Variants in CACNA1A observed in about 807,000 individuals in gnomAD.
The protein encoded by CACNA1A is voltage-dependent P/Q-type calcium channel subunit alpha-1A.
In CACNA1A, 57 loss-of-function variants were observed where a neutral mutation model predicts 262.4. The observed-to-expected ratio is 0.22, with a 90% CI of 0.18 to 0.27. CACNA1A has a LOEUF of 0.27. CACNA1A is among the 10% of genes least tolerant of loss of function. The pLI is 1.00. For synonymous variants in CACNA1A, 1,431 were observed against 1,419.3 expected (o/e 1.01, Z -0.18); for missense variants, 2,526 against 3,562.8 (o/e 0.71, Z 7.41).
chr19:13,391,501 T>G (rs538524088), intron 3 of CACNA1A, among the ~76,000 whole-genome samples: 31 of 152,062 alleles, frequency 2.0e-4, no homozygotes, highest in Non-Finnish European at 3.5e-4. Flanking sequence ...TTTTCTTAAA[T>G]AAAGAGGAGT....
chr19:13,318,126 A>AGT, intron 10 of CACNA1A, among the ~76,000 whole-genome samples: 1 of 111,150 alleles, frequency 9.0e-6, no homozygotes, highest in South Asian at 4.2e-4. Context: ...TTTAAATAAC[A>AGT]ATTTTTTTTT....
chr19:13,466,623 G>A (rs1055963128), intron 1 of CACNA1A, among the ~76,000 whole-genome samples: 7 of 151,984 alleles, frequency 4.6e-5, no homozygotes, highest in Admixed American at 4.6e-4. Context: ...TTACAGGCGT[G>A]AGCCACCATG....
chr19:13,321,983 C>T (rs191172208), intron 10 of CACNA1A, among the ~76,000 whole-genome samples: 12 of 152,136 alleles, frequency 7.9e-5, no homozygotes, highest in Admixed American at 6.5e-4. Context: ...ATGGGCAGAT[C>T]GTAAGGTCAG....
Position 13,380,663 on chromosome 19 carries a change from A to T in CACNA1A, c.540-8884T>A, listed in dbSNP as rs999398205. Among the ~76,000 whole-genome samples the T allele has an allele frequency of 5.3e-5, 8 of 151,158 alleles. 1 individual carries two copies. Among genetic ancestry groups the T allele is most frequent in the African/African-American group, 1.9e-4 (8 of 41,390 alleles). On this transcript the variant is annotated intron_variant, in intron 3 of 46. Coordinates refer to ENST00000360228, the MANE Select transcript of CACNA1A (RefSeq NM_001127222.2). ...TCTGTCTCAAAAAAAAAAAAAAAAA[A>T]AAAAAAAATTAAAATTTGCTAGTAG...
intron 3 of CACNA1A, among the ~76,000 whole-genome samples, chr19:13,388,659 T>C (rs570388955): frequency 2.0e-5 from 3 of 152,330 alleles, no homozygotes; most frequent in African/African-American, 4.8e-5. Context: ...GTATGACGCC[T>C]GTCTCTTGTT....
At chr19:13,220,432 GC>G (rs2055179674) in intron 38 of CACNA1A, among the ~76,000 whole-genome samples, 1 of 152,134 alleles carries the variant, frequency 6.6e-6, no homozygotes, top group African/African-American at 2.4e-5. Flanking sequence ...ACTTCCAGGA[GC>G]AAAAAGCTAA....
chr19:13,386,765 C>T (rs572436308), intron 3 of CACNA1A, among the ~76,000 whole-genome samples: 13 of 151,972 alleles, frequency 8.6e-5, no homozygotes, highest in Admixed American at 6.6e-5. Flanking sequence ...TGCACTCCAG[C>T]CTGGGCGACA....
chr19:13,372,536 G>C (rs974568347), intron 3 of CACNA1A, among the ~76,000 whole-genome samples: 6 of 152,146 alleles, frequency 3.9e-5, no homozygotes, highest in African/African-American at 7.2e-5. Flanking sequence ...GCCTGCATGG[G>C]TTCAGATCCC....
At chr19:13,250,888 T>C (rs749254711) in intron 30 of CACNA1A, among the ~76,000 whole-genome samples, 12 of 152,174 alleles carry the variant, frequency 7.9e-5, no homozygotes, top group African/African-American at 2.2e-4. Context: ...TCCCAGCATT[T>C]TGGGAGGCTG....
intron 3 of CACNA1A, among the ~76,000 whole-genome samples, chr19:13,433,926 T>C (rs1360382796): frequency 1.3e-5 from 2 of 152,132 alleles, no homozygotes; most frequent in Admixed American, 6.6e-5. Flanking sequence ...CTCTACTCCA[T>C]GTATTGAGTG....
intron 9 of CACNA1A, among the ~76,000 whole-genome samples, chr19:13,332,325 G>A (rs1006506038): frequency 6.6e-6 from 1 of 151,998 alleles, no homozygotes; most frequent in African/African-American, 2.4e-5. Flanking sequence ...GCTTGAACCT[G>A]GGAGCCAGAG....
Position 13,210,762 on chromosome 19 carries a change from G to C in CACNA1A, c.6304-110C>G, listed in dbSNP as rs541759095. 58 of 1,102,054 alleles carry C rather than the reference G, an allele frequency of 5.3e-5. No homozygotes were observed. In the South Asian group the frequency reaches 7.8e-4, roughly 15 times the overall value. 68.3% of individuals were successfully genotyped at this position (1,102,054 alleles called of 1,614,324 possible). On this transcript the variant is annotated intron_variant, in intron 43 of 46. Coordinates refer to ENST00000360228, the MANE Select transcript of CACNA1A (RefSeq NM_001127222.2). Reference sequence around the variant, plus strand: ...TGGTGCATGGAGAAGAAGCCAAGGAGGGGAGTGGCACTGGCATCAAGAGAA... The same window carrying C: ...TGGTGCATGGAGAAGAAGCCAAGGACGGGAGTGGCACTGGCATCAAGAGAA...
intron 3 of CACNA1A, among the ~76,000 whole-genome samples, chr19:13,436,781 T>C (rs2060620302): frequency 6.6e-6 from 1 of 152,216 alleles, no homozygotes; most frequent in Non-Finnish European, 1.5e-5. Context: ...ACTGGTATCA[T>C]AGTGGGCATG....
At chr19:13,349,085 G>A (rs1342465787) in intron 6 of CACNA1A, among the ~76,000 whole-genome samples, 1 of 151,768 alleles carries the variant, frequency 6.6e-6, no homozygotes, top group Non-Finnish European at 1.5e-5. Context: ...GATGAAGGGT[G>A]ATGAATTGTG....
chr19:13,458,805 C>T (rs935550971), intron 1 of CACNA1A, among the ~76,000 whole-genome samples: 1 of 152,206 alleles, frequency 6.6e-6, no homozygotes, highest in Non-Finnish European at 1.5e-5. Context: ...CCTGCCACAC[C>T]CCTCAGAAGT....
intron 24 of CACNA1A, among the ~76,000 whole-genome samples, chr19:13,268,062 G>A (rs910851896): frequency 2.0e-5 from 3 of 151,976 alleles, no homozygotes; most frequent in Non-Finnish European, 4.4e-5. Flanking sequence ...TGCATCCTGG[G>A]CAAGACTCTG....
At position 13,241,594 on chromosome 19, in the gene CACNA1A, T is replaced by A; in HGVS notation, c.4950+3588A>T. ...GGCAGTTGGGGAGGCGTGTTCAGCA[T>A]TTTTTAGGTTGATTTGTAACCAGTG... On this transcript the variant is annotated intron_variant, in intron 31 of 46. Transcript: ENST00000360228. This position sits in a 1 kb window ranked among gnomAD's most constrained non-coding sequence, Gnocchi z 4.0. The A allele has an allele frequency of 1.0e-6, 1 of 971,696 alleles. No individual in the cohort carries two copies. Among genetic ancestry groups the A allele is most frequent in the South Asian group, 1.4e-5 (1 of 72,762 alleles). The allele number at this position is 971,696 out of a possible 1,614,324, so 60.2% of individuals were successfully genotyped here. A position where few individuals can be genotyped will look rare whatever the true frequency, so the allele number is the denominator to read the frequency against.
chr19:13,497,525 T>A (rs1220320756), intron 1 of CACNA1A, among the ~76,000 whole-genome samples: 138 of 1,220 alleles, frequency 0.11, 27 homozygotes, highest in Non-Finnish European at 0.13. Context: ...AAAAAAAATA[T>A]ATATATATAT....
intron 3 of CACNA1A, among the ~76,000 whole-genome samples, chr19:13,402,515 T>G (rs569866175): frequency 5.9e-5 from 9 of 151,504 alleles, no homozygotes; most frequent in African/African-American, 2.2e-4. Flanking sequence ...AAATACCACC[T>G]GTACCCCAAT....
Sources: allele counts gnomAD v4.1 joint callset (sites outside exome capture counted in the v4.1 genomes callset), GRCh38; gene constraint gnomAD v4.1.1; non-coding constraint Gnocchi (gnomAD v3.1); transcripts MANE v1.5; gene names NCBI Gene and HGNC (gene_info 2026-07-23, HGNC 2026-07-21).